Variants in CHRM3 observed in about 807,000 individuals in gnomAD.
CHRM3 encodes the protein muscarinic acetylcholine receptor M3.
Under a neutral mutation model 41.8 loss-of-function variants are expected in CHRM3, and 11 were observed. The observed-to-expected ratio is 0.26, with a 90% confidence interval of 0.17 to 0.44. The LOEUF is 0.44. CHRM3 is among the 20% of genes least tolerant of loss of function. CHRM3 has a pLI of 1.00. For missense variants in CHRM3, 571 were observed against 745.4 expected, an observed-to-expected ratio of 0.77 and a Z score of 2.72; for synonymous variants, 297 against 301.4, an observed-to-expected ratio of 0.99 and a Z score of 0.15.
chr1:239,740,763 G>A (rs1435108978), intron 5 of CHRM3, among the ~76,000 whole-genome samples: 2 of 152,112 alleles, frequency 1.3e-5, no homozygotes, highest in East Asian at 3.9e-4. Context: ...AAACCATAAT[G>A]AGATACCATT....
intron 1 of CHRM3, among the ~76,000 whole-genome samples, chr1:239,478,125 A>T (rs1232103435): frequency 6.6e-6 from 1 of 152,210 alleles, no homozygotes; most frequent in African/African-American, 2.4e-5. Flanking sequence ...GCCAAAAGAA[A>T]TATCTGGAGT....
intron 6 of CHRM3, among the ~76,000 whole-genome samples, chr1:239,882,402 T>G (rs1419341323): frequency 3.3e-5 from 5 of 152,224 alleles, no homozygotes; most frequent in Non-Finnish European, 7.3e-5. Context: ...TAACTCATAT[T>G]GAGTCCTTCC....
chr1:239,456,535 G>A (rs1205716477), intron 1 of CHRM3, among the ~76,000 whole-genome samples: 1 of 152,138 alleles, frequency 6.6e-6, no homozygotes, highest in South Asian at 2.1e-4. Context: ...TACGATGTCG[G>A]CGTAATGACA....
intron 3 of CHRM3, among the ~76,000 whole-genome samples, chr1:239,564,349 C>G (rs186157600): frequency 6.6e-6 from 1 of 151,912 alleles, no homozygotes; most frequent in East Asian, 1.9e-4. Flanking sequence ...GATAAGAGAA[C>G]TGGAATGGAA....
intron 6 of CHRM3, among the ~76,000 whole-genome samples, chr1:239,905,869 A>G (rs1425066564): frequency 6.6e-6 from 1 of 152,214 alleles, no homozygotes; most frequent in African/African-American, 2.4e-5. Context: ...TAAAAAGAAT[A>G]AGATAATAAT....
intron 5 of CHRM3, among the ~76,000 whole-genome samples, chr1:239,747,811 C>T (rs1157272948): frequency 1.3e-5 from 2 of 152,286 alleles, no homozygotes; most frequent in East Asian, 3.9e-4. Flanking sequence ...GCGGACCAAT[C>T]ACTTGAGGCC....
chr1:239,699,905 A>T (rs945310040), intron 5 of CHRM3, among the ~76,000 whole-genome samples: 1 of 152,214 alleles, frequency 6.6e-6, no homozygotes, highest in Admixed American at 6.5e-5. Context: ...ACTATATTTG[A>T]TAACACCCTT....
At chr1:239,564,764 A>G (rs1296087306) in intron 3 of CHRM3, among the ~76,000 whole-genome samples, 1 of 152,214 alleles carries the variant, frequency 6.6e-6, no homozygotes. Flanking sequence ...AAGGGTATAC[A>G]CTATTCAGAT....
intron 1 of CHRM3, among the ~76,000 whole-genome samples, chr1:239,481,403 T>C (rs1001124690): frequency 6.6e-6 from 1 of 152,230 alleles, no homozygotes; most frequent in African/African-American, 2.4e-5. Context: ...TTTGCACTTT[T>C]CCACATACTA....
At chr1:239,688,938 A>G (rs1014129501) in intron 5 of CHRM3, among the ~76,000 whole-genome samples, 2 of 147,694 alleles carry the variant, frequency 1.4e-5, no homozygotes, top group African/African-American at 4.9e-5. Context: ...TTCTTAGGAT[A>G]GTTAAACTTG....
intron 3 of CHRM3, among the ~76,000 whole-genome samples, chr1:239,589,264 A>G (rs1209768448): frequency 6.6e-6 from 1 of 151,996 alleles, no homozygotes; most frequent in East Asian, 2.0e-4. Context: ...GAACTGGAAA[A>G]GTATTAATTC....
chr1:239,816,002 T>C (rs1671548171), intron 5 of CHRM3, among the ~76,000 whole-genome samples: 1 of 149,490 alleles, frequency 6.7e-6, no homozygotes, highest in African/African-American at 2.5e-5. Context: ...CTGGTTTGTC[T>C]TTTTTTTTTC....
Position 239,907,682 on chromosome 1 carries a change from C to T in CHRM3, c.231C>T (p.Ile77=), listed in dbSNP as rs200553926. The T allele has an allele frequency of 6.3e-5, 101 of 1,614,178 alleles. 1 individual carries two copies. In the South Asian group the frequency reaches 1.1e-3, roughly 17 times the overall value. ...QVVFIAFLTG[I]LALVTIIGNI... ...TCTTCATCGCTTTCTTAACGGGCATCCTGGCCTTGGTGACCATCATCGGCA... is the reference window on the plus strand; with the variant it reads ...TCTTCATCGCTTTCTTAACGGGCATTCTGGCCTTGGTGACCATCATCGGCA... Residue 77 remains isoleucine, a synonymous_variant, in exon 7 of 7, where the codon ATC becomes ATT. Coordinates refer to ENST00000676153, the MANE Select transcript of CHRM3 (RefSeq NM_001375978.1). The surrounding 1 kb of genome is among the most constrained non-coding windows in gnomAD (Gnocchi z 5.4).
At position 239,494,860 on chromosome 1, in the gene CHRM3, C is replaced by T. The variant is rs150517398; in HGVS notation, c.-422+2053C>T. 5.3e-4 allele frequency among the ~76,000 whole-genome samples: 80 copies of T among 152,224 alleles called. 1 individual carries two copies. In the East Asian group the frequency reaches 7.7e-3, roughly 15 times the overall value. ...ATGGCTTCCAGCTTCATCCATGTCC[C>T]TGAAAAGGACATGACCTCATTCCTT... On this transcript the variant is annotated intron_variant, in intron 2 of 6. Coordinates refer to ENST00000676153, the MANE Select transcript of CHRM3 (RefSeq NM_001375978.1).
intron 3 of CHRM3, among the ~76,000 whole-genome samples, chr1:239,613,298 A>T (rs1667270322): frequency 6.6e-6 from 1 of 152,230 alleles, no homozygotes; most frequent in Non-Finnish European, 1.5e-5. Context: ...GCCTTGTTAG[A>T]GCTTATCTTC....
chr1:239,895,185 C>T (rs953320685), intron 6 of CHRM3, among the ~76,000 whole-genome samples: 5 of 152,218 alleles, frequency 3.3e-5, no homozygotes, highest in African/African-American at 2.4e-5. Context: ...CAACTGCCCA[C>T]GTATGTAGGG....
chr1:239,696,133 T>TG (rs1472146880), intron 5 of CHRM3, among the ~76,000 whole-genome samples: 1 of 152,190 alleles, frequency 6.6e-6, no homozygotes, highest in Non-Finnish European at 1.5e-5. Flanking sequence ...TGCCTGGCCT[T>TG]GGGTGGGACA....
intron 3 of CHRM3, among the ~76,000 whole-genome samples, chr1:239,558,057 C>T (rs547781892): frequency 6.6e-6 from 1 of 152,284 alleles, no homozygotes; most frequent in South Asian, 2.1e-4. Flanking sequence ...TGAGGAATCA[C>T]CAGATGTCTT....
At chr1:239,681,466 C>T (rs1658554351) in intron 5 of CHRM3, among the ~76,000 whole-genome samples, 1 of 152,188 alleles carries the variant, frequency 6.6e-6, no homozygotes, top group South Asian at 2.1e-4. Context: ...CTGTCTTCAA[C>T]ATGAAACCAT....
Sources: allele counts gnomAD v4.1 joint callset (sites outside exome capture counted in the v4.1 genomes callset), GRCh38; gene constraint gnomAD v4.1.1; non-coding constraint Gnocchi (gnomAD v3.1); transcripts MANE v1.5; gene names NCBI Gene and HGNC (gene_info 2026-07-23, HGNC 2026-07-21).